The following SUGCT variants were observed in gnomAD, a reference collection of about 807,000 sequenced individuals.
SUGCT encodes the protein succinyl-CoA:glutarate CoA-transferase.
SUGCT carries 41 observed loss-of-function variants against 55.0 expected under a neutral mutation model. The observed-to-expected ratio is 0.74, with a 90% CI of 0.58 to 0.97. The LOEUF (loss-of-function observed/expected upper bound fraction) is 0.97, where lower values mean the gene tolerates loss of function less well. SUGCT is among the 50% of genes least tolerant of loss of function. The pLI, the probability that SUGCT is intolerant of heterozygous loss-of-function variation, is 0.00. For missense variants in SUGCT, 568 were observed against 547.8 expected (o/e 1.04, Z -0.37); for synonymous variants, 187 against 200.4 (o/e 0.93, Z 0.56).
intron 11 of SUGCT, among the ~76,000 whole-genome samples, chr7:40,492,646 T>C (rs1295247968): frequency 1.3e-5 from 2 of 152,218 alleles, no homozygotes; most frequent in Non-Finnish European, 2.9e-5. Flanking sequence ...TATATTGCTC[T>C]CTCTACCTGG....
At chr7:40,898,216 C>T in the SUGCT span, among the ~76,000 whole-genome samples, 2,168 of 152,212 alleles carry the variant, frequency 0.014, 54 homozygotes, top group African/African-American at 0.049. Context: ...TGAACTATAA[C>T]ACTCACTGCA....
At chr7:40,531,874 C>T (rs1054318724) in intron 12 of SUGCT, among the ~76,000 whole-genome samples, 1 of 152,058 alleles carries the variant, frequency 6.6e-6, no homozygotes, top group Non-Finnish European at 1.5e-5. Context: ...GGGGTTTCAC[C>T]TGTGTTAGCC....
intron 8 of SUGCT, among the ~76,000 whole-genome samples, chr7:40,313,659 A>C (rs10215161): frequency 6.6e-6 from 1 of 150,572 alleles, no homozygotes; most frequent in South Asian, 2.1e-4. Flanking sequence ...GTTTTTTTTG[A>C]GACTCTGTTG....
chr7:40,436,456 T>C (rs541814892), intron 9 of SUGCT, among the ~76,000 whole-genome samples: 3 of 152,350 alleles, frequency 2.0e-5, no homozygotes, highest in Non-Finnish European at 2.9e-5. Flanking sequence ...GGAAACATTA[T>C]TGGCAATACA....
At chr7:40,425,406 A>G (rs939797630) in intron 9 of SUGCT, among the ~76,000 whole-genome samples, 1 of 152,114 alleles carries the variant, frequency 6.6e-6, no homozygotes, top group Non-Finnish European at 1.5e-5. Context: ...GACTTGTCTA[A>G]CACCCTAAAT....
chr7:40,538,156 A>G (rs1363080844), intron 12 of SUGCT: 1 of 152,182 alleles, frequency 6.6e-6, no homozygotes, highest in Admixed American at 6.5e-5. Flanking sequence ...TTTTATTGCT[A>G]TGATTAATAA....
Position 40,554,376 on chromosome 7 carries a change from G to A in SUGCT, c.1089+57990G>A, listed in dbSNP as rs1034992839. Among the ~76,000 whole-genome samples, 29 of 152,154 alleles carry A rather than the reference G, an allele frequency of 1.9e-4. 1 individual carries two copies. Among genetic ancestry groups the A allele is most frequent in the Non-Finnish European group, 4.0e-4 (27 of 68,028 alleles). On this transcript the variant is annotated intron_variant, in intron 12 of 13. Coordinates refer to ENST00000335693, the MANE Select transcript of SUGCT (RefSeq NM_001193313.2). ...ATTCATAACCTGCCAACTTGTTAGGGAATGAATCTTTTTGTAGGTTTAAGC... is the reference window on the plus strand; with the variant it reads ...ATTCATAACCTGCCAACTTGTTAGGAAATGAATCTTTTTGTAGGTTTAAGC...
chr7:40,267,054 GA>G (rs946068528), intron 7 of SUGCT, among the ~76,000 whole-genome samples: 40 of 149,962 alleles, frequency 2.7e-4, no homozygotes, highest in South Asian at 6.4e-4. Context: ...AAAAAAGGAA[GA>G]AAAAAAGAAA....
At chr7:40,890,156 G>A in the SUGCT span, among the ~76,000 whole-genome samples, 1 of 148,994 alleles carries the variant, frequency 6.7e-6, no homozygotes, top group South Asian at 2.1e-4. Context: ...GCCTAAGAGT[G>A]TGTAAGCTGC....
the SUGCT span, among the ~76,000 whole-genome samples, chr7:40,942,885 A>G: frequency 1.3e-5 from 2 of 151,938 alleles, no homozygotes; most frequent in African/African-American, 4.8e-5. Context: ...AATTCCCTAA[A>G]TGTGTCTTTT....
chr7:40,621,949 C>G (rs1039637976), intron 12 of SUGCT, among the ~76,000 whole-genome samples: 2 of 152,196 alleles, frequency 1.3e-5, no homozygotes, highest in African/African-American at 4.8e-5. Flanking sequence ...TTGTCACAGG[C>G]ATTTGAGGCA....
intron 12 of SUGCT, among the ~76,000 whole-genome samples, chr7:40,650,327 G>A (rs111764244): frequency 2.0e-4 from 31 of 152,204 alleles, no homozygotes; most frequent in East Asian, 1.9e-3. Flanking sequence ...GTGCTCAAAG[G>A]GGGGGATTAC....
At chr7:40,535,030 G>T (rs1794287593) in intron 12 of SUGCT, among the ~76,000 whole-genome samples, 1 of 151,902 alleles carries the variant, frequency 6.6e-6, no homozygotes, top group Non-Finnish European at 1.5e-5. Context: ...GAACAAATTT[G>T]CATTCAATTA....
intron 12 of SUGCT, among the ~76,000 whole-genome samples, chr7:40,733,246 T>C (rs1024222900): frequency 6.6e-6 from 1 of 152,164 alleles, no homozygotes; most frequent in African/African-American, 2.4e-5. Flanking sequence ...CAGAATTATA[T>C]ATACATGACT....
At chr7:40,801,706 A>T (rs1244751934) in intron 13 of SUGCT, among the ~76,000 whole-genome samples, 2 of 152,130 alleles carry the variant, frequency 1.3e-5, no homozygotes, top group African/African-American at 4.8e-5. Context: ...ATCTTGTGGG[A>T]CATTTCAAAT....
intron 10 of SUGCT, among the ~76,000 whole-genome samples, chr7:40,452,001 G>A (rs969084933): frequency 1.3e-5 from 2 of 152,222 alleles, no homozygotes; most frequent in Admixed American, 6.5e-5. Flanking sequence ...TTCCTGGTGA[G>A]AAATGTGGCA....
chr7:40,334,033 G>A (rs1796520702), intron 9 of SUGCT, among the ~76,000 whole-genome samples: 1 of 152,034 alleles, frequency 6.6e-6, no homozygotes, highest in East Asian at 1.9e-4. Flanking sequence ...ATAGTTTGCT[G>A]AGAATGATGG....
chr7:40,524,475 T>G (rs1793705993), intron 12 of SUGCT, among the ~76,000 whole-genome samples: 1 of 152,136 alleles, frequency 6.6e-6, no homozygotes, highest in Admixed American at 6.5e-5. Flanking sequence ...TATTTATTTT[T>G]AAAAACATTT....
chr7:40,412,324 C>T (rs1159379364), intron 9 of SUGCT, among the ~76,000 whole-genome samples: 2 of 152,264 alleles, frequency 1.3e-5, no homozygotes, highest in East Asian at 3.9e-4. Flanking sequence ...TGGTGCATCT[C>T]CTTAACTTGT....
Sources: gnomAD v4.1 joint callset for allele counts (sites outside exome capture counted in the v4.1 genomes callset) on GRCh38, gnomAD v4.1.1 for gene constraint, MANE v1.5 for transcripts, NCBI Gene and HGNC (gene_info 2026-07-23, HGNC 2026-07-21) for gene names.